LSS: variants seen among roughly 807,000 people sequenced by gnomAD.
The protein encoded by LSS is lanosterol synthase.
A neutral mutation model predicts 110.3 loss-of-function variants in LSS; 90 were observed. The ratio of observed to expected loss-of-function variants is 0.82; its 90% CI spans 0.69 to 0.97. LSS has a LOEUF of 0.97. Ranked by LOEUF, LSS falls within the 50% of genes least tolerant of loss-of-function variation. The pLI is 0.00. For missense variants in LSS, 927 were observed against 990.0 expected (o/e 0.94, Z 0.85); for synonymous variants, 433 against 400.0 (o/e 1.08, Z -0.98).
In LSS at chr21:46,205,866, C is replaced by T. The variant is rs1316284704; in HGVS notation, c.1640G>A (p.Arg547His). The T allele has an allele frequency of 4.3e-6, 7 of 1,609,980 alleles. No individual in the cohort carries two copies. In the South Asian group the frequency reaches 5.6e-5, roughly 13 times the overall value. The change falls in exon 17 of 22, where the codon CGT (arginine) becomes CAT (histidine). Residue 547 changes from arginine to histidine, a missense_variant. Transcript: ENST00000397728. ...CTCCGCTGCCCTGTGCTCCGGGAAA[C>T]GCTTGTGGAAATACTTAAGCGCCTG... ...VMQALKYFHKRFPEHRAAEIR... is the reference protein window; with the variant it reads ...VMQALKYFHKHFPEHRAAEIR...
rs2079809798 is a variant in LSS at position 46,191,206 on chromosome 21, G to T, written c.2097C>A (p.Ser699=). The change falls in exon 22 of 22, where the codon TCC becomes TCA. Residue 699 remains serine, a synonymous_variant. Coordinates refer to ENST00000397728, the MANE Select transcript of LSS (RefSeq NM_002340.6). ...QENIAGVFNK[S]CAISYTSYRN... ...TGTAGCTCGTGTAGGAGATGGCACA[G>T]GACTTGTTGAAGACCCCAGCAATGT... is the stretch of plus-strand genomic sequence containing the variant. 2.5e-6 allele frequency: 4 copies of T among 1,613,984 alleles called. No homozygotes were observed. In the South Asian group the frequency reaches 4.4e-5, roughly 18 times the overall value.
At chr21:46,213,671 G>C in intron 10 of LSS, 67 bp downstream of exon 10, 1 of 1,428,306 alleles carries the variant, frequency 7.0e-7, no homozygotes. Context: ...CCCCTCACTG[G>C]GATGCAGCTG....
intron 20 of LSS, chr21:46,193,688 G>A (rs1242327926): frequency 6.6e-6 from 3 of 452,380 alleles, no homozygotes; most frequent in Admixed American, 2.4e-5. Flanking sequence ...GATGCTGTGG[G>A]TGTATCTGCA....
At position 46,212,001 on chromosome 21, in the gene LSS, G is replaced by A. The variant is rs144950443; in HGVS notation, c.1137+1024C>T. Reference sequence around the variant, plus strand: ...AGAGCAATTTTGTCAAAACACAGACGCCCTCATCAGCTTGAGGTGCACTGA... The same window carrying A: ...AGAGCAATTTTGTCAAAACACAGACACCCTCATCAGCTTGAGGTGCACTGA... On this transcript the variant is annotated intron_variant, in intron 11 of 21. Transcript: ENST00000397728. 6.3e-4 allele frequency among the ~76,000 whole-genome samples: 96 copies of A among 151,868 alleles called. 1 individual carries two copies. Among genetic ancestry groups the A allele is most frequent in the Non-Finnish European group, 9.1e-4 (62 of 67,936 alleles).
At chr21:46,210,010 C>T (rs1277378518) in intron 12 of LSS, among the ~76,000 whole-genome samples, 1 of 151,786 alleles carries the variant, frequency 6.6e-6, no homozygotes, top group Non-Finnish European at 1.5e-5. Context: ...AAAATCCACT[C>T]TCGTTTTTCT....
chr21:46,208,045 C>T lies in LSS; in HGVS notation c.1317+206G>A, dbSNP rs147538625. 4.6e-4 allele frequency among the ~76,000 whole-genome samples: 70 copies of T among 152,374 alleles called. 1 individual carries two copies. In the East Asian group the frequency reaches 0.013, roughly 27 times the overall value. ...CTGCTCTGAGGCACGGCTGTGTGTG[C>T]AAGCCAACTGTGCCTCCATGTGCCA... is the stretch of plus-strand genomic sequence containing the variant. On this transcript the variant is annotated intron_variant, in intron 14 of 21. Coordinates refer to ENST00000397728, the MANE Select transcript of LSS (RefSeq NM_002340.6).
In LSS at chr21:46,189,060, A is replaced by G. The variant is rs745652069; in HGVS notation, c.*2044T>C. 4.3e-5 allele frequency: 12 copies of G among 278,552 alleles called. No individual in the cohort carries two copies. The highest frequency in any genetic ancestry group is 6.4e-5 in the Non-Finnish European group (9 of 140,116). 17.3% of individuals were successfully genotyped at this position (278,552 alleles called of 1,614,324 possible). On this transcript the variant is annotated 3_prime_UTR_variant, in exon 22 of 22. Coordinates refer to ENST00000397728, the MANE Select transcript of LSS (RefSeq NM_002340.6). ...CACTCGCCCCACAGGCAGGTGACGTATGACAGCCAGAAACCCCAAATCTGC... is the reference window on the plus strand; with the variant it reads ...CACTCGCCCCACAGGCAGGTGACGTGTGACAGCCAGAAACCCCAAATCTGC...
rs572333735 is a variant in LSS at position 46,214,839 on chromosome 21, G to C, written c.1011+341C>G. Among the ~76,000 whole-genome samples, 20 of 152,246 alleles carry C rather than the reference G, an allele frequency of 1.3e-4. No homozygotes were observed. In the East Asian group the frequency reaches 3.5e-3, roughly 26 times the overall value. On this transcript the variant is annotated intron_variant, in intron 9 of 21. Transcript: ENST00000397728. ...GCGAATGATGAACTGTTTGGGGAGA[G>C]GGAACCAAGTGAGGAAAAAGCACCC... is the stretch of plus-strand genomic sequence containing the variant.
chr21:46,219,368 T>A (rs2080245611), intron 6 of LSS, 108 bp downstream of exon 6: 380 of 524,822 alleles, frequency 7.2e-4, no homozygotes, highest in Middle Eastern at 1.5e-3. Flanking sequence ...ACCCACAGAA[T>A]GCCCACCCCT....
intron 16 of LSS, 134 bp downstream of exon 16, chr21:46,206,538 G>A (rs1601426634): frequency 2.7e-6 from 2 of 738,420 alleles, no homozygotes; most frequent in African/African-American, 1.7e-5. Flanking sequence ...CTGAGGGAGG[G>A]CTCCAGACAG....
rs2080377245 is a variant in LSS at position 46,228,171 on chromosome 21, CTA to C, written c.180+261_180+262del. The stretch of plus-strand genomic sequence containing the variant: ...TTTGTGAATAAAAACAAAGTTACAA[CTA>C]TCTTTGCAACTCTCCTATAAGTCAA... On this transcript the variant is annotated intron_variant, in intron 2 of 21. Transcript: ENST00000397728. Among the ~76,000 whole-genome samples, 3 of 152,246 alleles carry C rather than the reference CTA, an allele frequency of 2.0e-5. No individual in the cohort carries two copies. The South Asian group carries it at 6.2e-4, about 31-fold the overall frequency.
chr21:46,225,378 G>A (rs938269846), intron 3 of LSS: 10 of 452,874 alleles, frequency 2.2e-5, no homozygotes, highest in African/African-American at 4.0e-5. Context: ...GTTGCCAAGC[G>A]GACCCAACCG....
chr21:46,214,686 G>T (rs1419621917), intron 9 of LSS, among the ~76,000 whole-genome samples: 1 of 152,164 alleles, frequency 6.6e-6, no homozygotes, highest in East Asian at 1.9e-4. Flanking sequence ...CACTGAACTG[G>T]CCACACCTGG....
chr21:46,210,259 G>T (rs2080112393), intron 12 of LSS, among the ~76,000 whole-genome samples: 1 of 151,786 alleles, frequency 6.6e-6, no homozygotes, highest in Non-Finnish European at 1.5e-5. Context: ...GTAGAGACGG[G>T]GTTTCACCAT....
rs1601442823 is a variant in LSS at position 46,217,927 on chromosome 21, C to T, written c.648-1403G>A. Reference sequence around the variant, plus strand: ...CAGGTAGCGGCACCCTAACCCTGCCCCCTACTCTGGTATCTCTGTCTACCC... The same window carrying T: ...CAGGTAGCGGCACCCTAACCCTGCCTCCTACTCTGGTATCTCTGTCTACCC... On this transcript the variant is annotated intron_variant, in intron 6 of 21. Transcript: ENST00000397728. Among the ~76,000 whole-genome samples the T allele has an allele frequency of 2.0e-5, 3 of 152,320 alleles. No homozygotes were observed. In the South Asian group the frequency reaches 6.2e-4, roughly 32 times the overall value.
rs2080204142 is a variant in LSS at position 46,216,169 on chromosome 21, G to A, written c.783+220C>T. Reference sequence around the variant, plus strand: ...CCTGGAAGTCCCCCCCAGGAACCCTGGGCTACAGCTACTGACTGTCCCATA... The same window carrying A: ...CCTGGAAGTCCCCCCCAGGAACCCTAGGCTACAGCTACTGACTGTCCCATA... On this transcript the variant is annotated intron_variant, in intron 7 of 21. Coordinates refer to ENST00000397728, the MANE Select transcript of LSS (RefSeq NM_002340.6). The surrounding 1 kb of genome is among the most constrained non-coding windows in gnomAD (Gnocchi z 4.2). Among the ~76,000 whole-genome samples, 1 of 152,172 alleles carries A rather than the reference G, an allele frequency of 6.6e-6. No homozygotes were observed. Among genetic ancestry groups the A allele is most frequent in the Non-Finnish European group, 1.5e-5 (1 of 68,020 alleles).
chr21:46,204,839 C>T (rs1290337044), intron 17 of LSS, among the ~76,000 whole-genome samples: 1 of 151,980 alleles, frequency 6.6e-6, no homozygotes, highest in South Asian at 2.1e-4. Context: ...ACAGGAAAAC[C>T]TGACAAAAAC....
chr21:46,212,393 A>C (rs892022800), intron 11 of LSS, among the ~76,000 whole-genome samples: 9 of 152,230 alleles, frequency 5.9e-5, no homozygotes, highest in Non-Finnish European at 1.3e-4. Flanking sequence ...ACCACAAGAC[A>C]CAGGGCAACA....
intron 9 of LSS, among the ~76,000 whole-genome samples, chr21:46,214,946 GT>G (rs200195893): frequency 0.061 from 9,294 of 152,204 alleles, 342 homozygotes; most frequent in Middle Eastern, 0.096. Flanking sequence ...ACAAGAGCCG[GT>G]GGGGGACGGA....
Sources: gnomAD v4.1 joint callset for allele counts (sites outside exome capture counted in the v4.1 genomes callset) on GRCh38, gnomAD v4.1.1 for gene constraint, Gnocchi (gnomAD v3.1) non-coding constraint, MANE v1.5 for transcripts, NCBI Gene and HGNC (gene_info 2026-07-23, HGNC 2026-07-21) for gene names.